ANHX: variants seen among roughly 807,000 people sequenced by gnomAD.
The protein encoded by ANHX is anomalous homeobox protein.
In ANHX, 20 loss-of-function variants were observed where a neutral mutation model predicts 38.9. The ratio of observed to expected loss-of-function variants is 0.51; its 90% CI spans 0.36 to 0.75. The LOEUF (loss-of-function observed/expected upper bound fraction) is 0.75. Among genes scored for constraint, ANHX ranks in the 30% least tolerant of loss-of-function variants. ANHX has a pLI of 0.00. For missense variants in ANHX, 475 were observed against 493.1 expected (o/e 0.96, Z 0.35); for synonymous variants, 185 against 203.1 (o/e 0.91, Z 0.76).
At chr12:133,232,358 G>T (rs1462545842) in intron 2 of ANHX, among the ~76,000 whole-genome samples, 1 of 152,208 alleles carries the variant, frequency 6.6e-6, no homozygotes, top group Non-Finnish European at 1.5e-5. Flanking sequence ...GCCCCACACT[G>T]GCCTTTAACT....
At chr12:133,222,400 C>T (rs929084565) in intron 7 of ANHX, among the ~76,000 whole-genome samples, 24 of 152,142 alleles carry the variant, frequency 1.6e-4, no homozygotes, top group African/African-American at 4.6e-4. Flanking sequence ...GGAGAGCATC[C>T]GGGTACCCAG....
intron 7 of ANHX, among the ~76,000 whole-genome samples, chr12:133,223,153 C>T (rs2135552599): frequency 6.6e-6 from 1 of 151,920 alleles, no homozygotes; most frequent in East Asian, 1.9e-4. Context: ...CGCACCACTG[C>T]ACTCCAGCCT....
chr12:133,218,851 C>A lies in ANHX; in HGVS notation c.*34G>T. 6.9e-7 allele frequency: 1 copy of A among 1,455,188 alleles called. No individual in the cohort carries two copies. Among genetic ancestry groups the A allele is most frequent in the South Asian group, 1.3e-5 (1 of 75,894 alleles). The allele number at this position is 1,455,188 out of a possible 1,614,324, so 90.1% of individuals were successfully genotyped here. On this transcript the variant is annotated 3_prime_UTR_variant, in exon 10 of 10. Transcript: ENST00000545940. Reference sequence around the variant, plus strand: ...ACCAGGCAGACCATCCACACCCGCTCCTCCTGGGGTGCTGTCTGGCTCCTG... The same window carrying A: ...ACCAGGCAGACCATCCACACCCGCTACTCCTGGGGTGCTGTCTGGCTCCTG...
intron 7 of ANHX, among the ~76,000 whole-genome samples, chr12:133,223,758 T>C (rs1365158838): frequency 6.6e-6 from 1 of 152,042 alleles, no homozygotes; most frequent in Non-Finnish European, 1.5e-5. Flanking sequence ...GAGACCTTAT[T>C]CTTTAAGATT....
At chr12:133,229,775 G>A (rs940739727) in intron 3 of ANHX, among the ~76,000 whole-genome samples, 2 of 152,118 alleles carry the variant, frequency 1.3e-5, no homozygotes, top group Non-Finnish European at 2.9e-5. Context: ...CATGGCTGCC[G>A]GCTCAATGTC....
intron 3 of ANHX, among the ~76,000 whole-genome samples, chr12:133,229,724 C>G (rs886175006): frequency 6.6e-6 from 1 of 152,180 alleles, no homozygotes; most frequent in Non-Finnish European, 1.5e-5. Context: ...TGACACCACC[C>G]GGGAACCATC....
intron 3 of ANHX, 78 bp downstream of exon 3, chr12:133,231,439 C>T (rs1256149459): frequency 6.6e-7 from 1 of 1,513,770 alleles, no homozygotes. Flanking sequence ...TTTGCTTCAG[C>T]CCCTCTGGGC....
chr12:133,227,971 G>A (rs1428455322), intron 3 of ANHX, 24 bp from the exon 4 acceptor site: 2 of 1,534,288 alleles, frequency 1.3e-6, no homozygotes, highest in Non-Finnish European at 8.7e-7. Flanking sequence ...GTGAGGAGGT[G>A]GTAACAGACA....
Position 133,226,920 on chromosome 12 carries a change from C to A in ANHX, c.718+16G>T. Reference sequence around the variant, plus strand: ...CTCCCCGACCACAAGGAGACTGGGGCCCTCAGGCCACTCACCTGACCACTG... The same window carrying A: ...CTCCCCGACCACAAGGAGACTGGGGACCTCAGGCCACTCACCTGACCACTG... On this transcript the variant is annotated intron_variant, in intron 5 of 9. Coordinates refer to ENST00000545940, the MANE Select transcript of ANHX (RefSeq NM_001372060.1). 2 of 1,492,426 alleles carry A rather than the reference C, an allele frequency of 1.3e-6. No individual in the cohort carries two copies. The highest frequency in any genetic ancestry group is 1.3e-5 in the South Asian group (1 of 77,484). The allele number at this position is 1,492,426 out of a possible 1,614,324, so 92.4% of individuals were successfully genotyped here. A position where few individuals can be genotyped will look rare whatever the true frequency, so the allele number is the denominator to read the frequency against.
At chr12:133,230,546 G>A (rs1417502623) in intron 3 of ANHX, among the ~76,000 whole-genome samples, 1 of 152,198 alleles carries the variant, frequency 6.6e-6, no homozygotes, top group African/African-American at 2.4e-5. Flanking sequence ...GAGAGCACCT[G>A]AGATGAAGAA....
Position 133,231,032 on chromosome 12 carries a change from T to A in ANHX, c.377+485A>T, listed in dbSNP as rs531901060. Among the ~76,000 whole-genome samples the A allele has an allele frequency of 5.3e-5, 8 of 152,296 alleles. No homozygotes were observed. The South Asian group carries it at 1.7e-3, about 32-fold the overall frequency. On this transcript the variant is annotated intron_variant, in intron 3 of 9. Coordinates refer to ENST00000545940, the MANE Select transcript of ANHX (RefSeq NM_001372060.1). ...GTAACTCATGCTAACACTGGCAACA[T>A]TCTCACCCTTAACTCTTTGAAAGGC... is the stretch of plus-strand genomic sequence containing the variant.
At position 133,221,671 on chromosome 12, in the gene ANHX, G is replaced by T. The variant is rs1957110399; in HGVS notation, c.1133-319C>A. Reference sequence around the variant, plus strand: ...AGTCTGCAGCTTGCTCCGTCCTGCTGGTGCGGAAGGATGTGCCAGGAGCCC... The same window carrying T: ...AGTCTGCAGCTTGCTCCGTCCTGCTTGTGCGGAAGGATGTGCCAGGAGCCC... On this transcript the variant is annotated intron_variant, in intron 7 of 9. Transcript: ENST00000545940. The surrounding 1 kb of genome is among the most constrained non-coding windows in gnomAD (Gnocchi z 4.1). 6.6e-6 allele frequency among the ~76,000 whole-genome samples: 1 copy of T among 152,152 alleles called. No homozygotes were observed. The highest frequency in any genetic ancestry group is 2.4e-5 in the African/African-American group (1 of 41,442).
chr12:133,227,897 A>G lies in ANHX; in HGVS notation c.428T>C (p.Phe143Ser). 1 of 1,291,784 alleles carries G rather than the reference A, an allele frequency of 7.7e-7. No homozygotes were observed. The highest frequency in any genetic ancestry group is 1.0e-6 in the Non-Finnish European group (1 of 994,162). The allele number at this position is 1,291,784 out of a possible 1,614,324, so 80.0% of individuals were successfully genotyped here. Residue 143 changes from phenylalanine (F) to serine (S), a missense_variant, in exon 4 of 10, where the codon TTC (phenylalanine) becomes TCC (serine). By Grantham distance (155) the Phe-to-Ser change is radical (BLOSUM62 -2). Coordinates refer to ENST00000545940, the MANE Select transcript of ANHX (RefSeq NM_001372060.1). ...CAGCTTCTCACGAACCTCTCTGGGG[A>G]AGTTCCGGCTCTTCAGCCCCTCTGG... ...LCPEGLKSRN[F>S]PREVREKLHN...
chr12:133,218,546 A>C lies in ANHX; in HGVS notation c.*339T>G. On this transcript the variant is annotated 3_prime_UTR_variant, in exon 10 of 10. Coordinates refer to ENST00000545940, the MANE Select transcript of ANHX (RefSeq NM_001372060.1). ...TGGCTGTGTGCACGGGCAGACGGCA[A>C]GGCAGCCAGCAGCAGAACACTCCCC... The C allele has an allele frequency of 2.7e-5, 5 of 185,490 alleles. No homozygotes were observed. Among genetic ancestry groups the C allele is most frequent in the Admixed American group, 5.9e-5 (1 of 16,840 alleles). The allele number at this position is 185,490 out of a possible 1,614,324, so 11.5% of individuals were successfully genotyped here.
intron 1 of ANHX, 89 bp from the exon 2 acceptor site, chr12:133,234,467 A>T: frequency 7.0e-7 from 1 of 1,420,000 alleles, no homozygotes; most frequent in Non-Finnish European, 9.4e-7. Flanking sequence ...AAAGCAGGTG[A>T]TGCACGGCTC....
chr12:133,230,139 T>C (rs969262708), intron 3 of ANHX, among the ~76,000 whole-genome samples: 2 of 152,240 alleles, frequency 1.3e-5, no homozygotes, highest in African/African-American at 4.8e-5. Context: ...GTCTGTTGAC[T>C]ATTGTCCACA....
chr12:133,232,554 T>TG (rs1487521931), intron 2 of ANHX, among the ~76,000 whole-genome samples: 4 of 152,116 alleles, frequency 2.6e-5, no homozygotes, highest in African/African-American at 9.7e-5. Context: ...TGCCCTGACG[T>TG]GGGGGCAGGA....
In ANHX at chr12:133,218,967, T is replaced by C; in HGVS notation, c.1370A>G (p.Gln457Arg). ...LSQALPSSQV[Q>R]CSDSQASGDA... ...ACCAGAGGCCTGGCTATCAGAACACTGCACCTGGAAGACAACACAGTGGTA... is the reference window on the plus strand; with the variant it reads ...ACCAGAGGCCTGGCTATCAGAACACCGCACCTGGAAGACAACACAGTGGTA... The change falls in exon 10 of 10, where the codon CAG (glutamine) becomes CGG (arginine). Residue 457 changes from glutamine to arginine, a missense_variant. Physicochemically the swap from Gln to Arg is conservative, Grantham distance 43 (BLOSUM62 1). Transcript: ENST00000545940. 6.5e-7 allele frequency: 1 copy of C among 1,533,838 alleles called. No homozygotes were observed.
chr12:133,231,389 C>G, intron 3 of ANHX, 128 bp downstream of exon 3: 1 of 1,301,176 alleles, frequency 7.7e-7, no homozygotes, highest in Non-Finnish European at 1.0e-6. Context: ...ACTATTACTG[C>G]TCCGGCGGAC....
Sources: allele counts gnomAD v4.1 joint callset (sites outside exome capture counted in the v4.1 genomes callset), GRCh38; gene constraint gnomAD v4.1.1; non-coding constraint Gnocchi (gnomAD v3.1); transcripts MANE v1.5; gene names NCBI Gene and HGNC (gene_info 2026-07-23, HGNC 2026-07-21).